The following ITGB3 variants were observed in gnomAD, a reference collection of about 807,000 sequenced individuals.
ITGB3 encodes integrin subunit beta 3, also known as integrin beta-3.
In ITGB3, 48 loss-of-function variants were observed where a neutral mutation model predicts 85.8. That is an observed-to-expected ratio of 0.56 (90% CI 0.44 to 0.71). The LOEUF (loss-of-function observed/expected upper bound fraction) is 0.71, where lower values mean the gene tolerates loss of function less well. Among genes scored for constraint, ITGB3 ranks in the 30% least tolerant of loss-of-function variants. ITGB3 has a pLI of 0.00. For synonymous variants in ITGB3, 363 were observed against 395.6 expected, an observed-to-expected ratio of 0.92 and a Z score of 0.98; for missense variants, 861 against 1,019.1, an observed-to-expected ratio of 0.84 and a Z score of 2.11.
intron 1 of ITGB3, among the ~76,000 whole-genome samples, chr17:47,255,097 GCCT>G: frequency 6.6e-6 from 1 of 151,988 alleles, no homozygotes; most frequent in East Asian, 1.9e-4. Flanking sequence ...TTCTGGCTCA[GCCT>G]CCCGAGTAGC....
intron 1 of ITGB3, among the ~76,000 whole-genome samples, chr17:47,258,635 G>T (rs1028853467): frequency 2.0e-5 from 3 of 151,874 alleles, no homozygotes; most frequent in African/African-American, 7.3e-5. Flanking sequence ...TAGAGGCAGG[G>T]TCTCACCATA....
intron 1 of ITGB3, among the ~76,000 whole-genome samples, chr17:47,257,842 G>C (rs1007233647): frequency 6.6e-6 from 1 of 152,158 alleles, no homozygotes; most frequent in Non-Finnish European, 1.5e-5. Flanking sequence ...TGGACGTGTG[G>C]GTGTTGGGGC....
chr17:47,270,474 A>G (rs2065040483), intron 1 of ITGB3, among the ~76,000 whole-genome samples: 1 of 152,240 alleles, frequency 6.6e-6, no homozygotes, highest in Non-Finnish European at 1.5e-5. Flanking sequence ...AGAGATGGCC[A>G]GGCAGCTCAT....
At chr17:47,287,412 T>G (rs2143099799) in intron 6 of ITGB3, among the ~76,000 whole-genome samples, 181 bp downstream of exon 6, 1 of 152,312 alleles carries the variant, frequency 6.6e-6, no homozygotes, top group East Asian at 1.9e-4. Flanking sequence ...ACAACCTATA[T>G]AACCATTAGA....
intron 1 of ITGB3, among the ~76,000 whole-genome samples, chr17:47,268,215 T>C (rs1228134144): frequency 6.6e-6 from 1 of 152,030 alleles, no homozygotes; most frequent in Non-Finnish European, 1.5e-5. Context: ...AGAGGAGATT[T>C]GGGGGGTGGG....
intron 13 of ITGB3, among the ~76,000 whole-genome samples, chr17:47,304,712 A>G (rs2065180861): frequency 6.6e-6 from 1 of 151,958 alleles, no homozygotes; most frequent in African/African-American, 2.4e-5. Flanking sequence ...GGTTCAAGCA[A>G]TTCTCCTGCC....
rs151170176 is a variant in ITGB3, at chr17:47,308,184, T to TAATAATAATAATAATAATAATAA, written c.2301+552_2301+553insTAATAATAATAATAATAAAATAA. On this transcript the variant is annotated intron_variant, in intron 14 of 14. Transcript: ENST00000559488. The stretch of plus-strand genomic sequence containing the variant: ...AAAATAATAATAATAATAATAATAA[T>TAATAATAATAATAATAATAATAA]AATAAAATAAAATAAAAGGTTACTT... 5.5e-3 allele frequency among the ~76,000 whole-genome samples: 822 copies of TAATAATAATAATAATAATAATAA among 148,602 alleles called. 2 individuals carry two copies. Among genetic ancestry groups the TAATAATAATAATAATAATAATAA allele is most frequent in the African/African-American group, 0.019 (778 of 40,398 alleles).
chr17:47,291,622 A>G (rs930258996), intron 9 of ITGB3: 4 of 277,706 alleles, frequency 1.4e-5, no homozygotes, highest in African/African-American at 6.7e-5. Context: ...CTATTGACCT[A>G]TCTGTCTCTC....
intron 9 of ITGB3, 194 bp downstream of exon 9, chr17:47,291,282 C>T (rs769243645): frequency 1.8e-4 from 118 of 643,230 alleles, no homozygotes; most frequent in Non-Finnish European, 1.4e-4. Context: ...GCTTCTGTTG[C>T]GTAAGCCATT....
chr17:47,300,343 G>A (rs963468530), intron 11 of ITGB3, 135 bp from the exon 12 acceptor site: 5 of 707,978 alleles, frequency 7.1e-6, no homozygotes, highest in Admixed American at 6.1e-5. Flanking sequence ...AGGCGCGCGC[G>A]CGCGTGTGTG....
intron 1 of ITGB3, among the ~76,000 whole-genome samples, chr17:47,263,410 CAG>C (rs1181422173): frequency 6.6e-6 from 1 of 152,178 alleles, no homozygotes; most frequent in Admixed American, 6.5e-5. Context: ...GTCAGCTCCA[CAG>C]AGAGACCTTT....
intron 14 of ITGB3, among the ~76,000 whole-genome samples, chr17:47,309,756 A>G (rs1039617374): frequency 2.6e-5 from 4 of 151,666 alleles, no homozygotes; most frequent in Admixed American, 2.0e-4. Flanking sequence ...TTAGCCAGAC[A>G]TGGTGGTGTG....
At position 47,309,346 on chromosome 17, in the gene ITGB3, C is replaced by G. The variant is rs561030943; in HGVS notation, c.2302-793C>G. Among the ~76,000 whole-genome samples the G allele has an allele frequency of 2.0e-4, 31 of 152,214 alleles. No homozygotes were observed. In the South Asian group the frequency reaches 5.4e-3, roughly 27 times the overall value. On this transcript the variant is annotated intron_variant, in intron 14 of 14. Transcript: ENST00000559488. The stretch of plus-strand genomic sequence containing the variant: ...GGGATTATAGGCATAAACCACCATG[C>G]CTGGCCATGGTTAGTGCTTGGCCAG...
intron 2 of ITGB3, among the ~76,000 whole-genome samples, chr17:47,278,394 A>G (rs2143077843): frequency 6.6e-6 from 1 of 152,336 alleles, no homozygotes; most frequent in East Asian, 1.9e-4. Flanking sequence ...CAGCCTGACC[A>G]ACATGGCAAA....
At chr17:47,276,662 A>C (rs964248855) in intron 2 of ITGB3, among the ~76,000 whole-genome samples, 1 of 152,170 alleles carries the variant, frequency 6.6e-6, no homozygotes, top group African/African-American at 2.4e-5. Context: ...GAGGGAGAGA[A>C]GGAAGGGTGG....
At chr17:47,265,817 A>G (rs16941780) in intron 1 of ITGB3, among the ~76,000 whole-genome samples, 40,302 of 152,088 alleles carry the variant, frequency 0.26, 5,618 homozygotes, top group African/African-American at 0.32. Flanking sequence ...TTAAATCTCT[A>G]AAATCAGGAC....
chr17:47,296,247 C>G (rs933527780), intron 10 of ITGB3, among the ~76,000 whole-genome samples: 5 of 152,188 alleles, frequency 3.3e-5, no homozygotes, highest in African/African-American at 1.2e-4. Flanking sequence ...CGCCATCCTT[C>G]CTGGGAAGCA....
chr17:47,292,553 G>A lies in ITGB3; in HGVS notation c.1675G>A (p.Gly559Arg). ...CGACTTCTCCTGTGTCCGCTACAAG[G>A]GGGAGATGTGCTCAGGTGAGGAGAA... ...CDDFSCVRYK[G>R]EMCSGHGQCS... Residue 559 changes from glycine (G) to arginine (R), a missense_variant, in exon 10 of 15, where the codon GGG becomes AGG. Coordinates refer to ENST00000559488, the MANE Select transcript of ITGB3 (RefSeq NM_000212.3). 1 of 1,600,880 alleles carries A rather than the reference G, an allele frequency of 6.2e-7. No homozygotes were observed. Among genetic ancestry groups the A allele is most frequent in the Non-Finnish European group, 8.5e-7 (1 of 1,179,912 alleles).
Position 47,253,928 on chromosome 17 carries a change from G to C in ITGB3, c.67G>C (p.Val23Leu). The C allele has an allele frequency of 7.1e-7, 1 of 1,417,106 alleles. No homozygotes were observed. The highest frequency in any genetic ancestry group is 9.3e-7 in the Non-Finnish European group (1 of 1,079,510). 87.8% of individuals were successfully genotyped at this position (1,417,106 alleles called of 1,614,324 possible). Residue 23 changes from valine (V) to leucine (L), a missense_variant, in exon 1 of 15, where the codon GTT becomes CTT. By Grantham distance (32) the Val-to-Leu change is conservative. Transcript: ENST00000559488. ...GCTGGCGCTGGGGGCGCTGGCGGGC[G>C]TTGGCGTAGGAGGTGAGTGAGGCTC... is the stretch of plus-strand genomic sequence containing the variant. ...TVLALGALAGVGVGGPNICTT... is the reference protein window; with the variant it reads ...TVLALGALAGLGVGGPNICTT...
Sources: allele counts gnomAD v4.1 joint callset (sites outside exome capture counted in the v4.1 genomes callset), GRCh38; gene constraint gnomAD v4.1.1; transcripts MANE v1.5; gene names NCBI Gene and HGNC (gene_info 2026-07-23, HGNC 2026-07-21).